The following ASAP1 variants were observed in gnomAD, a reference collection of about 807,000 sequenced individuals.
The protein encoded by ASAP1 is ArfGAP with SH3 domain, ankyrin repeat and PH domain 1.
A neutral mutation model predicts 145.2 loss-of-function variants in ASAP1; 43 were observed. That is an observed-to-expected ratio of 0.30 (90% CI 0.23 to 0.38). ASAP1 has a LOEUF of 0.38. Among genes scored for constraint, ASAP1 ranks in the 10% least tolerant of loss-of-function variants. The pLI is 1.00. For missense variants in ASAP1, 1,018 were observed against 1,355.3 expected, an observed-to-expected ratio of 0.75 and a Z score of 3.91; for synonymous variants, 546 against 515.5, an observed-to-expected ratio of 1.06 and a Z score of -0.80.
At chr8:130,069,515 G>C (rs1348452274) in intron 27 of ASAP1, 1 of 152,206 alleles carries the variant, frequency 6.6e-6, no homozygotes, top group East Asian at 1.9e-4. Flanking sequence ...GGGATTACAG[G>C]CATGAGCCAC....
At chr8:130,178,380 A>G (rs936275909) in intron 9 of ASAP1, among the ~76,000 whole-genome samples, 6 of 152,218 alleles carry the variant, frequency 3.9e-5, no homozygotes, top group Non-Finnish European at 8.8e-5. Context: ...AACCCATGAA[A>G]GTTAACCCAA....
chr8:130,350,272 C>A (rs1166902291), intron 3 of ASAP1, among the ~76,000 whole-genome samples: 1 of 152,164 alleles, frequency 6.6e-6, no homozygotes, highest in Non-Finnish European at 1.5e-5. Flanking sequence ...AATTGCCAGT[C>A]CCCACAACCC....
At chr8:130,132,261 C>G (rs967511620) in intron 15 of ASAP1, among the ~76,000 whole-genome samples, 3 of 152,194 alleles carry the variant, frequency 2.0e-5, no homozygotes, top group African/African-American at 7.2e-5. Context: ...GCATTTAGCA[C>G]GTAACATCTC....
At chr8:130,152,925 C>G (rs1443783564) in intron 12 of ASAP1, 120 bp from the exon 13 acceptor site, 34 of 686,384 alleles carry the variant, frequency 5.0e-5, no homozygotes, top group Non-Finnish European at 6.9e-5. Context: ...AAAATCCAAC[C>G]CCCCCAAAAA....
Position 130,054,487 on chromosome 8 carries a change from G to A in ASAP1, c.*244C>T, listed in dbSNP as rs977746872. 2.3e-6 allele frequency: 1 copy of A among 429,014 alleles called. No individual in the cohort carries two copies. The highest frequency in any genetic ancestry group is 4.4e-6 in the Non-Finnish European group (1 of 227,602). The allele number at this position is 429,014 out of a possible 1,614,324, so 26.6% of individuals were successfully genotyped here. ...TGTAGAACAGCATAGAGAGATGTAA[G>A]TGCTAGATGCCAAGGATGGCTTTGG... On this transcript the variant is annotated 3_prime_UTR_variant, in exon 30 of 30. Coordinates refer to ENST00000518721, the MANE Select transcript of ASAP1 (RefSeq NM_018482.4).
At chr8:130,088,693 G>A (rs924947050) in intron 25 of ASAP1, among the ~76,000 whole-genome samples, 4 of 152,182 alleles carry the variant, frequency 2.6e-5, no homozygotes, top group Admixed American at 1.3e-4. Context: ...TGCGGTATGC[G>A]TTACAGGAGC....
chr8:130,373,488 A>G (rs150516574), intron 2 of ASAP1, among the ~76,000 whole-genome samples: 4,286 of 152,318 alleles, frequency 0.028, 73 homozygotes, highest in Middle Eastern at 0.048. Context: ...TTCTAAATAC[A>G]TGGGCCTGCT....
chr8:130,166,784 G>A lies in ASAP1; in HGVS notation c.909+752C>T, dbSNP rs539003695. Among the ~76,000 whole-genome samples the A allele has an allele frequency of 2.0e-5, 3 of 152,306 alleles. No homozygotes were observed. The East Asian group carries it at 5.8e-4, about 29-fold the overall frequency. ...ACTGCATTCATCCAGCCTCTACCAT[G>A]CATTCTATGCTCTTTCAATATCCAA... On this transcript the variant is annotated intron_variant, in intron 11 of 29. Coordinates refer to ENST00000518721, the MANE Select transcript of ASAP1 (RefSeq NM_018482.4).
At chr8:130,071,808 T>C (rs1407831186) in intron 27 of ASAP1, among the ~76,000 whole-genome samples, 1 of 152,210 alleles carries the variant, frequency 6.6e-6, no homozygotes, top group Non-Finnish European at 1.5e-5. Context: ...TCATACACTA[T>C]GATGGACTGG....
chr8:130,384,573 G>A (rs765366077), intron 2 of ASAP1, among the ~76,000 whole-genome samples: 5 of 152,160 alleles, frequency 3.3e-5, no homozygotes, highest in Admixed American at 1.3e-4. Context: ...CCCCCTCGCC[G>A]GTTCAAGTGA....
chr8:130,283,597 A>AAAAAAGAAGGCAGG (rs1821402095), intron 3 of ASAP1, among the ~76,000 whole-genome samples: 1 of 140,526 alleles, frequency 7.1e-6, no homozygotes, highest in African/African-American at 2.7e-5. Flanking sequence ...GAAAAAAAAA[A>AAAAAAGAAGGCAGG]AAAAAAAAAA....
intron 1 of ASAP1, among the ~76,000 whole-genome samples, chr8:130,406,585 G>A (rs982821937): frequency 3.3e-5 from 5 of 151,736 alleles, no homozygotes; most frequent in African/African-American, 7.3e-5. Context: ...AGGTTCAAGC[G>A]ATTCTCCTGC....
At chr8:130,342,527 A>T (rs1825451017) in intron 3 of ASAP1, among the ~76,000 whole-genome samples, 1 of 152,124 alleles carries the variant, frequency 6.6e-6, no homozygotes, top group African/African-American at 2.4e-5. Context: ...CCCCTAGGGA[A>T]GCAGAGGCCC....
At chr8:130,153,356 T>C (rs1242758028) in intron 12 of ASAP1, among the ~76,000 whole-genome samples, 1 of 47,596 alleles carries the variant, frequency 2.1e-5, no homozygotes, top group Non-Finnish European at 4.6e-5. Context: ...TATATATATA[T>C]ATGTATATAT....
intron 13 of ASAP1, chr8:130,152,482 A>G (rs1303618411): frequency 6.7e-6 from 2 of 299,226 alleles, no homozygotes; most frequent in African/African-American, 4.3e-5. Flanking sequence ...ATATTTCCCA[A>G]AAGATAATAT....
At chr8:130,375,493 G>A (rs550274151) in intron 2 of ASAP1, among the ~76,000 whole-genome samples, 3 of 151,842 alleles carry the variant, frequency 2.0e-5, no homozygotes, top group Non-Finnish European at 2.9e-5. Context: ...CCAGGAGTTC[G>A]AGGTTACAGT....
intron 14 of ASAP1, among the ~76,000 whole-genome samples, chr8:130,135,701 C>T (rs1408344104): frequency 6.6e-6 from 1 of 152,126 alleles, no homozygotes; most frequent in Non-Finnish European, 1.5e-5. Context: ...GTATATAAGG[C>T]ACCTGGCATG....
intron 1 of ASAP1, among the ~76,000 whole-genome samples, chr8:130,437,817 G>GT (rs1301601409): frequency 6.6e-6 from 1 of 152,130 alleles, no homozygotes; most frequent in African/African-American, 2.4e-5. Flanking sequence ...TGGCTTCTGC[G>GT]TAACTCCCAC....
At chr8:130,228,496 G>A (rs184441106) in intron 4 of ASAP1, among the ~76,000 whole-genome samples, 1 of 152,016 alleles carries the variant, frequency 6.6e-6, no homozygotes, top group East Asian at 1.9e-4. Flanking sequence ...AGCCCAGGCG[G>A]TCAAGACCAG....
Sources: allele counts gnomAD v4.1 joint callset (sites outside exome capture counted in the v4.1 genomes callset), GRCh38; gene constraint gnomAD v4.1.1; transcripts MANE v1.5; gene names NCBI Gene and HGNC (gene_info 2026-07-23, HGNC 2026-07-21).